Variants in CCNH observed in about 807,000 individuals in gnomAD.
CCNH encodes cyclin H, also known as cyclin-H.
A neutral mutation model predicts 41.9 loss-of-function variants in CCNH; 31 were observed. The ratio of observed to expected loss-of-function variants is 0.74; its 90% CI spans 0.56 to 1.00. The LOEUF (loss-of-function observed/expected upper bound fraction) is 1.00. Among genes scored for constraint, CCNH ranks in the 50% least tolerant of loss-of-function variants. CCNH has a pLI of 0.00. For missense variants in CCNH, 362 were observed against 388.4 expected, an observed-to-expected ratio of 0.93 and a Z score of 0.57; for synonymous variants, 138 against 136.1, an observed-to-expected ratio of 1.01 and a Z score of -0.10.
downstream of CCNH, among the ~76,000 whole-genome samples, chr5:87,314,934 C>T (rs925023957): frequency 1.9e-4 from 29 of 151,802 alleles, no homozygotes; most frequent in African/African-American, 7.0e-4. Context: ...TAAGTGACAC[C>T]CCCATCTTTA....
downstream of CCNH, chr5:87,386,965 C>G: frequency 5.1e-6 from 7 of 1,384,952 alleles, no homozygotes; most frequent in South Asian, 8.4e-5. Flanking sequence ...TGAGTTAACC[C>G]ATTTAAGCAG....
At chr5:87,362,015 A>T (rs1580353718) in intron 9 of CCNH, among the ~76,000 whole-genome samples, 1 of 152,146 alleles carries the variant, frequency 6.6e-6, no homozygotes, top group Admixed American at 6.5e-5. Flanking sequence ...CTGTGGATGG[A>T]TGGGTGTGGC....
intron 7 of CCNH, among the ~76,000 whole-genome samples, chr5:87,397,003 TTG>T (rs1374307300): frequency 2.0e-5 from 3 of 152,182 alleles, no homozygotes; most frequent in Non-Finnish European, 4.4e-5. Flanking sequence ...AAAACAGTTT[TTG>T]TGTCATGAAA....
intron 9 of CCNH, among the ~76,000 whole-genome samples, chr5:87,366,821 C>T (rs754947524): frequency 1.3e-5 from 2 of 152,102 alleles, no homozygotes; most frequent in Non-Finnish European, 2.9e-5. Flanking sequence ...CGCTTAAGCT[C>T]AGGGGTTGGA....
intron 9 of CCNH, among the ~76,000 whole-genome samples, chr5:87,357,309 T>C (rs1292057574): frequency 3.3e-5 from 5 of 152,108 alleles, no homozygotes; most frequent in African/African-American, 4.8e-5. Flanking sequence ...ATGGCTAGGA[T>C]CTTTTTTCAG....
rs367775973 is a variant in CCNH, at chr5:87,394,444, G to A, written c.*2C>T. On this transcript the variant is annotated 3_prime_UTR_variant, in exon 9 of 9. Coordinates refer to ENST00000256897, the MANE Select transcript of CCNH (RefSeq NM_001239.4). ...TAGCATTGAGAAATCAACTTCAAATGGTTAGAGAGATTCTACCAGGTCGTC... is the reference window on the plus strand; with the variant it reads ...TAGCATTGAGAAATCAACTTCAAATAGTTAGAGAGATTCTACCAGGTCGTC... The A allele has an allele frequency of 3.1e-6, 5 of 1,612,706 alleles. No homozygotes were observed. Among genetic ancestry groups the A allele is most frequent in the South Asian group, 1.1e-5 (1 of 90,988 alleles).
chr5:87,374,963 A>G (rs755857004), downstream of CCNH: 1 of 1,567,748 alleles, frequency 6.4e-7, no homozygotes, highest in Admixed American at 1.8e-5. Flanking sequence ...CATGTTTTAT[A>G]TACTTTCAAA....
rs73156386 is a variant in CCNH, at chr5:87,359,835, G to A, written c.*90+32935C>T. On this transcript the variant is annotated intron_variant and NMD_transcript_variant, in intron 9 of 9. Transcript: ENST00000645953. ...AATGTAGTAAGAATTTAAATGTAGC[G>A]TACCCAAATTTTTGTTCCATGTTTT... Among the ~76,000 whole-genome samples the A allele has an allele frequency of 1.7e-3, 261 of 152,122 alleles. 1 individual carries two copies. Among genetic ancestry groups the A allele is most frequent in the Middle Eastern group, 0.017 (5 of 294 alleles).
intron 9 of CCNH, among the ~76,000 whole-genome samples, chr5:87,347,992 G>T (rs1176119545): frequency 2.6e-5 from 4 of 151,936 alleles, no homozygotes; most frequent in Non-Finnish European, 4.4e-5. Flanking sequence ...TGAGGATCTG[G>T]TGGGATTTTC....
chr5:87,365,011 A>G (rs1401026343), intron 9 of CCNH, among the ~76,000 whole-genome samples: 1 of 152,138 alleles, frequency 6.6e-6, no homozygotes, highest in Non-Finnish European at 1.5e-5. Flanking sequence ...TTCACTACTA[A>G]ATGTAGTTTA....
At chr5:87,407,483 TTTGTC>T (rs1339038165) in intron 4 of CCNH, among the ~76,000 whole-genome samples, 1 of 152,154 alleles carries the variant, frequency 6.6e-6, no homozygotes, top group African/African-American at 2.4e-5. Flanking sequence ...AAAAGTTGCT[TTTGTC>T]AATGTTTGTT....
intron 9 of CCNH, chr5:87,383,859 CTT>C (rs370865130): frequency 0.014 from 11,707 of 861,584 alleles, no homozygotes; most frequent in South Asian, 0.016. Context: ...ACTCTTAAAT[CTT>C]TTTTTTTTTT....
intron 9 of CCNH, among the ~76,000 whole-genome samples, chr5:87,324,787 A>G (rs190065355): frequency 1.3e-4 from 20 of 152,180 alleles, no homozygotes; most frequent in Admixed American, 5.9e-4. Context: ...GGGGTACTAC[A>G]GCTGTTTTGC....
At chr5:87,394,994 A>G (rs566929351) in intron 8 of CCNH, 50 bp downstream of exon 8, 2 of 1,612,324 alleles carry the variant, frequency 1.2e-6, no homozygotes, top group South Asian at 2.2e-5. Flanking sequence ...TAGTCACACC[A>G]GAATGTATAA....
chr5:87,374,906 TC>T (rs1243416200), downstream of CCNH: 1 of 1,607,120 alleles, frequency 6.2e-7, no homozygotes, highest in African/African-American at 1.3e-5. Flanking sequence ...AAAGCAAAGA[TC>T]CTGATATCTG....
chr5:87,404,827 A>G lies in CCNH; in HGVS notation c.689+17T>C. 1.9e-6 allele frequency: 3 copies of G among 1,576,896 alleles called. No homozygotes were observed. The highest frequency in any genetic ancestry group is 2.6e-6 in the Non-Finnish European group (3 of 1,164,172). ...CCAGTGACTGAATTTGACCTAAGTT[A>G]AAAAACTAATTAATACCTTTCCATA... On this transcript the variant is annotated intron_variant, in intron 5 of 8. Coordinates refer to ENST00000256897, the MANE Select transcript of CCNH (RefSeq NM_001239.4).
chr5:87,372,874 G>A (rs2112481699), downstream of CCNH, among the ~76,000 whole-genome samples: 1 of 152,244 alleles, frequency 6.6e-6, no homozygotes, highest in South Asian at 2.1e-4. Context: ...TATCTGATAA[G>A]CTGAGTGATT....
chr5:87,366,376 G>A (rs1277966905), intron 9 of CCNH: 6 of 428,680 alleles, frequency 1.4e-5, no homozygotes, highest in South Asian at 3.3e-5. Flanking sequence ...AAGTCTGTTG[G>A]CACAATCAAA....
At chr5:87,357,883 A>G (rs910311161) in intron 9 of CCNH, among the ~76,000 whole-genome samples, 2 of 152,192 alleles carry the variant, frequency 1.3e-5, no homozygotes, top group Non-Finnish European at 2.9e-5. Context: ...TACTTCAGAA[A>G]TAATTGATGC....
Sources: gnomAD v4.1 joint callset for allele counts (sites outside exome capture counted in the v4.1 genomes callset) on GRCh38, gnomAD v4.1.1 for gene constraint, MANE v1.5 for transcripts, NCBI Gene and HGNC (gene_info 2026-07-23, HGNC 2026-07-21) for gene names.